Variants in CACNA1A observed in about 807,000 individuals in gnomAD.
The protein encoded by CACNA1A is calcium voltage-gated channel subunit alpha1 A.
A neutral mutation model predicts 262.4 loss-of-function variants in CACNA1A; 57 were observed. That is an observed-to-expected ratio of 0.22 (90% confidence interval 0.18 to 0.27). The LOEUF is 0.27. Ranked by LOEUF, CACNA1A falls within the 10% of genes least tolerant of loss-of-function variation. The pLI, the probability that CACNA1A is intolerant of heterozygous loss-of-function variation, is 1.00. For synonymous variants in CACNA1A, 1,431 were observed against 1,419.3 expected (o/e 1.01, Z -0.18); for missense variants, 2,526 against 3,562.8 (o/e 0.71, Z 7.41).
chr19:13,267,130 GAGAGAGAGAGAGAGAGAA>G (rs1236811983), intron 24 of CACNA1A, among the ~76,000 whole-genome samples: 1 of 149,462 alleles, frequency 6.7e-6, no homozygotes, highest in African/African-American at 2.5e-5. Flanking sequence ...GACAGAATAT[GAGAGAGAGAGAGAGAGAA>G]AGAGAGAGAG....
intron 2 of CACNA1A, among the ~76,000 whole-genome samples, chr19:13,453,644 C>T (rs1053817664): frequency 5.9e-5 from 9 of 152,322 alleles, no homozygotes; most frequent in African/African-American, 2.2e-4. Flanking sequence ...TCCTCACCTC[C>T]AGTTCCTCTG....
At chr19:13,387,935 G>A (rs577092065) in intron 3 of CACNA1A, among the ~76,000 whole-genome samples, 1 of 152,264 alleles carries the variant, frequency 6.6e-6, no homozygotes, top group South Asian at 2.1e-4. Context: ...AGGAAAACAG[G>A]CCCAAAATGT....
chr19:13,348,760 T>A (rs2058843425), intron 6 of CACNA1A, among the ~76,000 whole-genome samples: 1 of 152,064 alleles, frequency 6.6e-6, no homozygotes, highest in Admixed American at 6.6e-5. Context: ...CACTTGAACC[T>A]GGGAGTCAGA....
chr19:13,211,611 G>A (rs1305543408), intron 43 of CACNA1A: 1 of 164,566 alleles, frequency 6.1e-6, no homozygotes, highest in Admixed American at 5.9e-5. Context: ...GTGTGCATGT[G>A]TGAGTACATG....
chr19:13,356,273 C>T (rs988114084), intron 6 of CACNA1A, among the ~76,000 whole-genome samples: 1 of 152,248 alleles, frequency 6.6e-6, no homozygotes, highest in Non-Finnish European at 1.5e-5. Context: ...GTTCTAAACA[C>T]TTCATGCGAA....
At chr19:13,312,596 TTTAATGTGTC>T in intron 12 of CACNA1A, 63 bp downstream of exon 12, 1 of 868,502 alleles carries the variant, frequency 1.2e-6, no homozygotes, top group African/African-American at 1.8e-5. Context: ...CCTTTCTCCC[TTTAATGTGTC>T]CAGGTATCTG....
chr19:13,328,748 C>T (rs1432135177), intron 10 of CACNA1A, among the ~76,000 whole-genome samples: 3 of 152,060 alleles, frequency 2.0e-5, no homozygotes, highest in Admixed American at 6.6e-5. Context: ...AGTGTATCCA[C>T]CCTACGAGAT....
intron 38 of CACNA1A, among the ~76,000 whole-genome samples, chr19:13,218,300 G>A (rs1407261324): frequency 6.6e-6 from 1 of 152,108 alleles, no homozygotes; most frequent in Non-Finnish European, 1.5e-5. Context: ...TATCGTTGGG[G>A]TCTTGGGCCA....
intron 6 of CACNA1A, among the ~76,000 whole-genome samples, chr19:13,341,998 G>A (rs1363924749): frequency 6.6e-6 from 1 of 152,144 alleles, no homozygotes; most frequent in African/African-American, 2.4e-5. Context: ...GCATAGCTCA[G>A]ATCGTCAACC....
chr19:13,439,351 G>A (rs114990409), intron 3 of CACNA1A, among the ~76,000 whole-genome samples: 2,059 of 150,014 alleles, frequency 0.014, 49 homozygotes, highest in African/African-American at 0.048. Context: ...CTCGTGATTC[G>A]TTGCCCTCAA....
chr19:13,383,989 T>C (rs954260980), intron 3 of CACNA1A, among the ~76,000 whole-genome samples: 2 of 152,144 alleles, frequency 1.3e-5, no homozygotes, highest in African/African-American at 4.8e-5. Context: ...TAATTTTTAA[T>C]ATTTTTTTTG....
intron 38 of CACNA1A, among the ~76,000 whole-genome samples, chr19:13,223,228 C>T (rs1193202808): frequency 6.6e-6 from 1 of 152,044 alleles, no homozygotes; most frequent in Non-Finnish European, 1.5e-5. Flanking sequence ...GAGTCTTGCT[C>T]TGTCACCCAG....
At chr19:13,352,312 TAGG>T (rs2058926179) in intron 6 of CACNA1A, among the ~76,000 whole-genome samples, 1 of 148,062 alleles carries the variant, frequency 6.8e-6, no homozygotes, top group South Asian at 2.1e-4. Context: ...GAGGAAGAGG[TAGG>T]AGAATTGCTT....
At chr19:13,489,985 CCTCT>C (rs1568699587) in intron 1 of CACNA1A, among the ~76,000 whole-genome samples, 2 of 152,076 alleles carry the variant, frequency 1.3e-5, no homozygotes, top group Admixed American at 6.6e-5. Flanking sequence ...CCTTGGACTC[CCTCT>C]CTCTCCCCAC....
At chr19:13,217,927 CTTTTTTTTTTTTTT>C (rs33920209) in intron 38 of CACNA1A, among the ~76,000 whole-genome samples, 1 of 91,528 alleles carries the variant, frequency 1.1e-5, no homozygotes, top group Non-Finnish European at 2.0e-5. Context: ...ATAGTTCATT[CTTTTTTTTTTTTTT>C]TTTTTTTTTT....
intron 10 of CACNA1A, among the ~76,000 whole-genome samples, chr19:13,325,012 GCTTCTTCTTCGT>G (rs1411793815): frequency 7.3e-6 from 1 of 136,950 alleles, no homozygotes; most frequent in Non-Finnish European, 1.6e-5. Context: ...TTATCATTGT[GCTTCTTCTTCGT>G]CTTCTTCTTC....
At chr19:13,398,202 C>G (rs937310463) in intron 3 of CACNA1A, among the ~76,000 whole-genome samples, 8 of 150,748 alleles carry the variant, frequency 5.3e-5, no homozygotes, top group Non-Finnish European at 1.0e-4. Context: ...GTGGAGGTTG[C>G]AGTGAGCCGA....
Position 13,360,827 on chromosome 19 carries a change from T to C in CACNA1A, c.785-1028A>G, listed in dbSNP as rs561288116. 1.4e-4 allele frequency among the ~76,000 whole-genome samples: 21 copies of C among 152,354 alleles called. No homozygotes were observed. In the East Asian group the frequency reaches 3.7e-3, roughly 27 times the overall value. On this transcript the variant is annotated intron_variant, in intron 5 of 46. Coordinates refer to ENST00000360228, the MANE Select transcript of CACNA1A (RefSeq NM_001127222.2). Reference sequence around the variant, plus strand: ...GACATCATATCATTTCATCCATAAATGAGAGGCATGTCTGTTAATCTGCAA... The same window carrying C: ...GACATCATATCATTTCATCCATAAACGAGAGGCATGTCTGTTAATCTGCAA...
chr19:13,307,573 CA>C, intron 15 of CACNA1A: 1 of 558,766 alleles, frequency 1.8e-6, no homozygotes, highest in Non-Finnish European at 3.2e-6. Context: ...CGTGCCCAGC[CA>C]CAAACTATCT....
Sources: gnomAD v4.1 joint callset for allele counts (sites outside exome capture counted in the v4.1 genomes callset) on GRCh38, gnomAD v4.1.1 for gene constraint, MANE v1.5 for transcripts, NCBI Gene and HGNC (gene_info 2026-07-23, HGNC 2026-07-21) for gene names.